The following TRIM56 variants were observed in gnomAD, a reference collection of about 807,000 sequenced individuals.
TRIM56 encodes tripartite motif containing 56.
Under a neutral mutation model 17.1 loss-of-function variants are expected in TRIM56, and 10 were observed. The observed-to-expected ratio is 0.58, with a 90% confidence interval of 0.36 to 0.99. The LOEUF (loss-of-function observed/expected upper bound fraction) is 0.99. Among genes scored for constraint, TRIM56 ranks in the 50% least tolerant of loss-of-function variants. The pLI, the probability that TRIM56 is intolerant of heterozygous loss-of-function variation, is 0.01. For missense variants in TRIM56, 923 were observed against 1,052.3 expected, an observed-to-expected ratio of 0.88 and a Z score of 1.70; for synonymous variants, 503 against 473.5, an observed-to-expected ratio of 1.06 and a Z score of -0.81.
chr7:101,086,062 A>G (rs1179608282), intron 1 of TRIM56, among the ~76,000 whole-genome samples: 1 of 152,146 alleles, frequency 6.6e-6, no homozygotes, highest in African/African-American at 2.4e-5. Flanking sequence ...AAATGCAGAA[A>G]GTGGGGCCTC....
Position 101,091,529 on chromosome 7 carries a change from C to T in TRIM56, c.*1949C>T. ...ATCACTCAAGGTCAGGAGTTCGAGA[C>T]CAGCCTGGCCAACATGGAGAAACCC... On this transcript the variant is annotated 3_prime_UTR_variant, in exon 3 of 3. Coordinates refer to ENST00000306085, the MANE Select transcript of TRIM56 (RefSeq NM_030961.3). 3.2e-6 allele frequency: 1 copy of T among 314,156 alleles called. No individual in the cohort carries two copies. Among genetic ancestry groups the T allele is most frequent in the Non-Finnish European group, 6.3e-6 (1 of 158,916 alleles). The allele number at this position is 314,156 out of a possible 1,614,324, so 19.5% of individuals were successfully genotyped here.
chr7:101,091,728 A>C lies in TRIM56; in HGVS notation c.*2148A>C, dbSNP rs760229743. On this transcript the variant is annotated 3_prime_UTR_variant, in exon 3 of 3. Transcript: ENST00000306085. ...GGTAACAAGAATGAAACTCCATCTC[A>C]AAAAAAAAGAAAAAGAAAAGAAAGA... 1 of 431,312 alleles carries C rather than the reference A, an allele frequency of 2.3e-6. No individual in the cohort carries two copies. Among genetic ancestry groups the C allele is most frequent in the South Asian group, 1.6e-5 (1 of 61,242 alleles). 26.7% of individuals were successfully genotyped at this position (431,312 alleles called of 1,614,324 possible).
rs1161230483 is a variant in TRIM56 at position 101,096,237 on chromosome 7, A to G, written c.*6657A>G. On this transcript the variant is annotated 3_prime_UTR_variant, in exon 3 of 3. Coordinates refer to ENST00000306085, the MANE Select transcript of TRIM56 (RefSeq NM_030961.3). ...AAATCAGGAACATCATGAAAGATACAGCAAAATGTTTTACCCCAGCCCACT... is the reference window on the plus strand; with the variant it reads ...AAATCAGGAACATCATGAAAGATACGGCAAAATGTTTTACCCCAGCCCACT... 1 of 152,196 alleles carries G rather than the reference A, an allele frequency of 6.6e-6. No homozygotes were observed. Among genetic ancestry groups the G allele is most frequent in the Admixed American group, 6.6e-5 (1 of 15,254 alleles). 9.4% of individuals were successfully genotyped at this position (152,196 alleles called of 1,614,324 possible). A position where few individuals can be genotyped will look rare whatever the true frequency, so the allele number is the denominator to read the frequency against.
rs1156733215 is a variant in TRIM56, at chr7:101,090,180, G to A, written c.*600G>A. 1 of 167,234 alleles carries A rather than the reference G, an allele frequency of 6.0e-6. No homozygotes were observed. The highest frequency in any genetic ancestry group is 2.4e-5 in the African/African-American group (1 of 41,480). 10.4% of individuals were successfully genotyped at this position (167,234 alleles called of 1,614,324 possible). On this transcript the variant is annotated 3_prime_UTR_variant, in exon 3 of 3. Transcript: ENST00000306085. ...GGTGAGCTTGCAGGAGGGTCTGCAA[G>A]TGCAGACAGCAGCTGGGGCCAAAGA...
chr7:101,097,167 G>A lies in TRIM56; in HGVS notation c.*7587G>A, dbSNP rs957080679. 4 of 152,204 alleles carry A rather than the reference G, an allele frequency of 2.6e-5. No homozygotes were observed. The highest frequency in any genetic ancestry group is 3.2e-3 in the Middle Eastern group (1 of 316). 9.4% of individuals were successfully genotyped at this position (152,204 alleles called of 1,614,324 possible). A position where few individuals can be genotyped will look rare whatever the true frequency, so the allele number is the denominator to read the frequency against. ...AAGTCAAAAGTTTTGCAAGGAAACCGATGAGGTTGCTGACCTGAGCTGGGC... is the reference window on the plus strand; with the variant it reads ...AAGTCAAAAGTTTTGCAAGGAAACCAATGAGGTTGCTGACCTGAGCTGGGC... On this transcript the variant is annotated 3_prime_UTR_variant, in exon 3 of 3. Coordinates refer to ENST00000306085, the MANE Select transcript of TRIM56 (RefSeq NM_030961.3).
rs1287168323 is a variant in TRIM56, at chr7:101,089,185, A to G, written c.1873A>G (p.Ile625Val). The stretch of plus-strand genomic sequence containing the variant: ...GGAAGGCAGCCTGGCCACCCGGTTC[A>G]TTCCTGGAGGCAAGGCCAGCCGGGG... The part of the protein sequence containing the change: ...NMEGSLATRF[I>V]PGGKASRGLR... The change falls in exon 3 of 3, where the codon ATT becomes GTT. Residue 625 changes from isoleucine to valine, a missense_variant. By Grantham distance (29) the Ile-to-Val change is conservative. Around this residue, in one of 3 missense-constraint regions of TRIM56, gnomAD observed 182 missense variants for 243.1 expected, o/e 0.75. Transcript: ENST00000306085. 1.2e-6 allele frequency: 2 copies of G among 1,613,246 alleles called. No individual in the cohort carries two copies. The highest frequency in any genetic ancestry group is 2.7e-5 in the African/African-American group (2 of 74,942).
rs1341151401 is a variant in TRIM56, at chr7:101,095,942, C to G, written c.*6362C>G. On this transcript the variant is annotated 3_prime_UTR_variant, in exon 3 of 3. Coordinates refer to ENST00000306085, the MANE Select transcript of TRIM56 (RefSeq NM_030961.3). ...CAGGAACACGCTTGTAATCACAGCA[C>G]TTAGGGAGGCTGAGGCGGGTGGATG... 3 of 152,228 alleles carry G rather than the reference C, an allele frequency of 2.0e-5. No individual in the cohort carries two copies. The highest frequency in any genetic ancestry group is 4.8e-5 in the African/African-American group (2 of 41,448). The allele number at this position is 152,228 out of a possible 1,614,324, so 9.4% of individuals were successfully genotyped here.
At position 101,096,549 on chromosome 7, in the gene TRIM56, G is replaced by A. The variant is rs1795656381; in HGVS notation, c.*6969G>A. ...TGTACATCAGTAACATTGGGATAAT[G>A]ACATCCACATGCCCACTTCACAGAG... is the stretch of plus-strand genomic sequence containing the variant. On this transcript the variant is annotated 3_prime_UTR_variant, in exon 3 of 3. Coordinates refer to ENST00000306085, the MANE Select transcript of TRIM56 (RefSeq NM_030961.3). The A allele has an allele frequency of 6.6e-6, 1 of 152,226 alleles. No homozygotes were observed. Among genetic ancestry groups the A allele is most frequent in the South Asian group, 2.1e-4 (1 of 4,828 alleles). The allele number at this position is 152,226 out of a possible 1,614,324, so 9.4% of individuals were successfully genotyped here. A position where few individuals can be genotyped will look rare whatever the true frequency, so the allele number is the denominator to read the frequency against.
Position 101,088,105 on chromosome 7 carries a change from G to A in TRIM56, c.793G>A (p.Ala265Thr), listed in dbSNP as rs1293218935. 34 of 1,503,770 alleles carry A rather than the reference G, an allele frequency of 2.3e-5. No individual in the cohort carries two copies. The highest frequency in any genetic ancestry group is 2.5e-5 in the South Asian group (2 of 79,928). The allele number at this position is 1,503,770 out of a possible 1,614,324, so 93.2% of individuals were successfully genotyped here. A position where few individuals can be genotyped will look rare whatever the true frequency, so the allele number is the denominator to read the frequency against. Reference sequence around the variant, plus strand: ...GGAGGCGGCTGAGGGCGTCCTCCGGGCCCTGCTGGCCCAGAAGCAGGAGGT... The same window carrying A: ...GGAGGCGGCTGAGGGCGTCCTCCGGACCCTGCTGGCCCAGAAGCAGGAGGT... ...VEEAAEGVLR[A>T]LLAQKQEVLG... Residue 265 changes from alanine (A) to threonine (T), a missense_variant, in exon 3 of 3, where the codon GCC becomes ACC. Coordinates refer to ENST00000306085, the MANE Select transcript of TRIM56 (RefSeq NM_030961.3).
intron 1 of TRIM56, among the ~76,000 whole-genome samples, chr7:101,085,993 G>C (rs576523912): frequency 6.6e-6 from 1 of 152,208 alleles, no homozygotes; most frequent in African/African-American, 2.4e-5. Flanking sequence ...GCGGGAAGGG[G>C]ACCAGCCCTT....
At position 101,091,353 on chromosome 7, in the gene TRIM56, A is replaced by G. The variant is rs1461534647; in HGVS notation, c.*1773A>G. The G allele has an allele frequency of 1.2e-5, 2 of 171,360 alleles. No homozygotes were observed. Among genetic ancestry groups the G allele is most frequent in the African/African-American group, 2.4e-5 (1 of 41,552 alleles). 10.6% of individuals were successfully genotyped at this position (171,360 alleles called of 1,614,324 possible). On this transcript the variant is annotated 3_prime_UTR_variant, in exon 3 of 3. Coordinates refer to ENST00000306085, the MANE Select transcript of TRIM56 (RefSeq NM_030961.3). Reference sequence around the variant, plus strand: ...TTCTTGTTTATTGAAACAATGCAGGACATCATCAAAGTCCGGGTGGACACA... The same window carrying G: ...TTCTTGTTTATTGAAACAATGCAGGGCATCATCAAAGTCCGGGTGGACACA...
chr7:101,088,712 T>C lies in TRIM56; in HGVS notation c.1400T>C (p.Leu467Pro). The change falls in exon 3 of 3, where the codon CTC (leucine) becomes CCC (proline). Residue 467 changes from leucine to proline, a missense_variant. Transcript: ENST00000306085. ...PNKKKKFKGR[L>P]KSISREPSPA... Reference sequence around the variant, plus strand: ...AAGAAGAAAAAGTTCAAAGGCAGGCTCAAGTCAATTTCCCGGGAGCCCAGC... The same window carrying C: ...AAGAAGAAAAAGTTCAAAGGCAGGCCCAAGTCAATTTCCCGGGAGCCCAGC... The C allele has an allele frequency of 6.2e-7, 1 of 1,613,874 alleles. No individual in the cohort carries two copies. Among genetic ancestry groups the C allele is most frequent in the Non-Finnish European group, 8.5e-7 (1 of 1,179,956 alleles).
rs544047212 is a variant in TRIM56 at position 101,096,963 on chromosome 7, A to G, written c.*7383A>G. On this transcript the variant is annotated 3_prime_UTR_variant, in exon 3 of 3. Coordinates refer to ENST00000306085, the MANE Select transcript of TRIM56 (RefSeq NM_030961.3). ...TAGTTAAGGACCCATAAGAGTAGAC[A>G]TTTAGAAAAAGTGAAAAATGGCAAG... is the stretch of plus-strand genomic sequence containing the variant. The G allele has an allele frequency of 3.3e-5, 5 of 152,346 alleles. No individual in the cohort carries two copies. In the South Asian group the frequency reaches 1.0e-3, roughly 32 times the overall value. 9.4% of individuals were successfully genotyped at this position (152,346 alleles called of 1,614,324 possible).
At position 101,089,373 on chromosome 7, in the gene TRIM56, T is replaced by TA; in HGVS notation, c.2063dup (p.Lys689GlufsTer54). On this transcript the variant is annotated frameshift_variant, in exon 3 of 3. Transcript: ENST00000306085. LOFTEE classifies it high-confidence loss of function. ...GCCAGCCGGGCTCCGTGTCTGTGGA[T>TA]AAGAAGGGCTACATCTTTCTGACCC... The TA allele has an allele frequency of 6.2e-7, 1 of 1,612,528 alleles. No homozygotes were observed. The highest frequency in any genetic ancestry group is 8.5e-7 in the Non-Finnish European group (1 of 1,178,716).
rs1795547494 is a variant in TRIM56 at position 101,090,670 on chromosome 7, C to G, written c.*1090C>G. The G allele has an allele frequency of 7.0e-6, 1 of 142,002 alleles. No homozygotes were observed. 8.8% of individuals were successfully genotyped at this position (142,002 alleles called of 1,614,324 possible). A position where few individuals can be genotyped will look rare whatever the true frequency, so the allele number is the denominator to read the frequency against. ...AAGCAGGTTATCCATCACTTCTCAG[C>G]TAAGATCAAGTGTTAAAATAAATAA... is the stretch of plus-strand genomic sequence containing the variant. On this transcript the variant is annotated 3_prime_UTR_variant, in exon 3 of 3. Coordinates refer to ENST00000306085, the MANE Select transcript of TRIM56 (RefSeq NM_030961.3).
rs192903356 is a variant in TRIM56, at chr7:101,088,942, G to A, written c.1630G>A (p.Val544Met). ...FSLNGDYKGT[V>M]PVPEGCSPCS... ...CCTCAACGGCGACTACAAGGGCACC[G>A]TGCCGGTCCCTGAGGGCTGCTCCCC... Residue 544 changes from valine (V) to methionine (M), a missense_variant, in exon 3 of 3, where the codon GTG becomes ATG. By Grantham distance (21) the Val-to-Met change is conservative. This residue lies in a region of TRIM56 where 643 missense variants were observed against 665.6 expected (regional missense o/e 0.97). Coordinates refer to ENST00000306085, the MANE Select transcript of TRIM56 (RefSeq NM_030961.3). 48 of 1,613,472 alleles carry A rather than the reference G, an allele frequency of 3.0e-5. No homozygotes were observed. The highest frequency in any genetic ancestry group is 2.7e-4 in the Admixed American group (16 of 60,032).
Position 101,090,764 on chromosome 7 carries a change from C to G in TRIM56, c.*1184C>G, listed in dbSNP as rs950974022. The G allele has an allele frequency of 4.6e-5, 7 of 152,206 alleles. No homozygotes were observed. Among genetic ancestry groups the G allele is most frequent in the African/African-American group, 1.7e-4 (7 of 41,510 alleles). 9.4% of individuals were successfully genotyped at this position (152,206 alleles called of 1,614,324 possible). Reference sequence around the variant, plus strand: ...TGTCAGAGCAGGGGAGCCCTCCACGCAGCCACGGAGCCAGTCTGAGGGAAG... The same window carrying G: ...TGTCAGAGCAGGGGAGCCCTCCACGGAGCCACGGAGCCAGTCTGAGGGAAG... On this transcript the variant is annotated 3_prime_UTR_variant, in exon 3 of 3. Transcript: ENST00000306085.
rs773206941 is a variant in TRIM56, at chr7:101,087,837, G to A, written c.525G>A (p.Glu175=). Residue 175 remains glutamate, a synonymous_variant, in exon 3 of 3, where the codon GAG becomes GAA. Coordinates refer to ENST00000306085, the MANE Select transcript of TRIM56 (RefSeq NM_030961.3). Reference sequence around the variant, plus strand: ...CCCAGTGTCCCCAGCACCCCGGGGAGGCACTGCGCTTCCTGTGCCAGCCCT... The same window carrying A: ...CCCAGTGTCCCCAGCACCCCGGGGAAGCACTGCGCTTCCTGTGCCAGCCCT... ...QAAQCPQHPG[E]ALRFLCQPCS... is the part of the protein sequence containing the mutation. 1 of 1,604,020 alleles carries A rather than the reference G, an allele frequency of 6.2e-7. No individual in the cohort carries two copies. The highest frequency in any genetic ancestry group is 1.1e-5 in the South Asian group (1 of 90,626).
Position 101,087,690 on chromosome 7 carries a change from C to T in TRIM56, c.378C>T (p.Asp126=), listed in dbSNP as rs1306518220. ...CCCGGTGCCTGGACTGTGCCGATGACTTGTGCCAGGCCTGTGCCGACGGGC... is the reference window on the plus strand; with the variant it reads ...CCCGGTGCCTGGACTGTGCCGATGATTTGTGCCAGGCCTGTGCCGACGGGC... ...ATARCLDCAD[D]LCQACADGHR... Residue 126 remains aspartate, a synonymous_variant, in exon 3 of 3, where the codon GAC becomes GAT. Coordinates refer to ENST00000306085, the MANE Select transcript of TRIM56 (RefSeq NM_030961.3). 1.3e-6 allele frequency: 2 copies of T among 1,592,930 alleles called. No individual in the cohort carries two copies. Among genetic ancestry groups the T allele is most frequent in the Non-Finnish European group, 8.5e-7 (1 of 1,170,594 alleles).
Sources: allele counts gnomAD v4.1 joint callset (sites outside exome capture counted in the v4.1 genomes callset), GRCh38; gene constraint gnomAD v4.1.1; regional missense constraint gnomAD v4.1.1; transcripts MANE v1.5; gene names NCBI Gene and HGNC (gene_info 2026-07-23, HGNC 2026-07-21).